EYA2: variants seen among roughly 807,000 people sequenced by gnomAD.
EYA2 encodes the protein EYA transcriptional coactivator and phosphatase 2, also known as protein phosphatase EYA2.
EYA2 carries 31 observed loss-of-function variants against 69.2 expected under a neutral mutation model. The ratio of observed to expected loss-of-function variants is 0.45; its 90% CI spans 0.34 to 0.60. The LOEUF (loss-of-function observed/expected upper bound fraction) is 0.60, where lower values mean the gene tolerates loss of function less well. EYA2 is among the 20% of genes least tolerant of loss of function. EYA2 has a pLI of 0.02. For missense variants in EYA2, 622 were observed against 701.2 expected, an observed-to-expected ratio of 0.89 and a Z score of 1.28; for synonymous variants, 257 against 279.4, an observed-to-expected ratio of 0.92 and a Z score of 0.80.
At chr20:47,083,731 G>A (rs1424953552) in intron 7 of EYA2, among the ~76,000 whole-genome samples, 1 of 152,082 alleles carries the variant, frequency 6.6e-6, no homozygotes, top group Non-Finnish European at 1.5e-5. Context: ...CTTTGATTTA[G>A]GCAAAGATTT....
chr20:47,073,770 C>T (rs2031405154), intron 6 of EYA2, among the ~76,000 whole-genome samples: 1 of 152,038 alleles, frequency 6.6e-6, no homozygotes, highest in Non-Finnish European at 1.5e-5. Context: ...CTGGGTGCAG[C>T]TCTCAAAGAC....
chr20:47,010,464 G>A (rs924674751), intron 4 of EYA2, among the ~76,000 whole-genome samples: 2 of 152,010 alleles, frequency 1.3e-5, no homozygotes, highest in South Asian at 2.1e-4. Flanking sequence ...CAAAGCCTCC[G>A]GGTGCTGAGT....
chr20:47,135,973 T>A (rs2033464286), intron 9 of EYA2, among the ~76,000 whole-genome samples: 1 of 151,772 alleles, frequency 6.6e-6, no homozygotes, highest in Non-Finnish European at 1.5e-5. Context: ...GCTATGGTCA[T>A]GCCACTGCAC....
chr20:46,992,225 C>T (rs889250024), intron 2 of EYA2, among the ~76,000 whole-genome samples: 2 of 152,198 alleles, frequency 1.3e-5, no homozygotes, highest in Admixed American at 6.5e-5. Context: ...CAGCATTGCT[C>T]TATTAACTCA....
At chr20:46,950,627 C>T (rs759499905) in intron 1 of EYA2, among the ~76,000 whole-genome samples, 2 of 152,180 alleles carry the variant, frequency 1.3e-5, no homozygotes, top group Non-Finnish European at 2.9e-5. Context: ...ATTCAGAAGG[C>T]GGAGGTCGTA....
chr20:47,053,415 C>G (rs774626095), intron 5 of EYA2, among the ~76,000 whole-genome samples: 1 of 152,080 alleles, frequency 6.6e-6, no homozygotes, highest in African/African-American at 2.4e-5. Context: ...CCTGTAATCC[C>G]AGCACTTTGG....
chr20:46,983,167 C>T lies in EYA2; in HGVS notation c.-10-6834C>T, dbSNP rs138553213. Among the ~76,000 whole-genome samples the T allele has an allele frequency of 1.1e-3, 174 of 152,250 alleles. 1 individual carries two copies. In the East Asian group the frequency reaches 0.019, roughly 17 times the overall value. ...ATATTATCACAGTTGCTAGGGACTC[C>T]GTGTTTGACAACTTCAATAGCAGAA... On this transcript the variant is annotated intron_variant, in intron 1 of 15. Transcript: ENST00000327619.
intron 10 of EYA2, among the ~76,000 whole-genome samples, chr20:47,166,480 C>T (rs1307441307): frequency 7.8e-6 from 1 of 128,990 alleles, no homozygotes; most frequent in African/African-American, 2.8e-5. Flanking sequence ...CAAAATGTTG[C>T]AAATACCCTT....
intron 1 of EYA2, among the ~76,000 whole-genome samples, chr20:46,897,086 A>G (rs1742599485): frequency 6.6e-6 from 1 of 152,246 alleles, no homozygotes; most frequent in Non-Finnish European, 1.5e-5. Flanking sequence ...TAAACACATC[A>G]TAAAGAGGTA....
rs1984799463 is a variant in EYA2 at position 46,914,423 on chromosome 20, C to T, written c.-11+19436C>T. On this transcript the variant is annotated intron_variant, in intron 1 of 15. Transcript: ENST00000327619. ...TTCTCACACTGCCAATAAAGACATA[C>T]CCAACTGGGTAATTTATAAAGGAAA... Among the ~76,000 whole-genome samples, 3 of 152,148 alleles carry T rather than the reference C, an allele frequency of 2.0e-5. No individual in the cohort carries two copies. In the South Asian group the frequency reaches 6.2e-4, roughly 32 times the overall value.
At chr20:47,184,811 T>C (rs1328892873) in intron 15 of EYA2, among the ~76,000 whole-genome samples, 1 of 152,174 alleles carries the variant, frequency 6.6e-6, no homozygotes, top group Non-Finnish European at 1.5e-5. Context: ...ACCTGTGTCA[T>C]GCTCCAAACG....
At chr20:46,965,382 A>G (rs1161609558) in intron 1 of EYA2, among the ~76,000 whole-genome samples, 1 of 152,200 alleles carries the variant, frequency 6.6e-6, no homozygotes. Flanking sequence ...GCCCACCAGC[A>G]GTGTTCCCAA....
At chr20:47,100,481 T>C (rs577506376) in intron 9 of EYA2, among the ~76,000 whole-genome samples, 2 of 152,310 alleles carry the variant, frequency 1.3e-5, no homozygotes, top group South Asian at 4.1e-4. Context: ...ACATCCATCC[T>C]AGAATTACAG....
At chr20:46,968,792 A>G (rs1415519110) in intron 1 of EYA2, among the ~76,000 whole-genome samples, 6 of 150,494 alleles carry the variant, frequency 4.0e-5, no homozygotes, top group Non-Finnish European at 5.9e-5. Context: ...CGCGCCCCCC[A>G]CCGACCCCAC....
intron 4 of EYA2, among the ~76,000 whole-genome samples, chr20:47,009,127 G>C (rs1331854469): frequency 6.6e-6 from 1 of 152,184 alleles, no homozygotes; most frequent in Non-Finnish European, 1.5e-5. Flanking sequence ...CCCACCCCAA[G>C]AGAAATGCTC....
At chr20:47,184,521 G>A (rs1165386341) in intron 15 of EYA2, among the ~76,000 whole-genome samples, 2 of 149,182 alleles carry the variant, frequency 1.3e-5, no homozygotes, top group African/African-American at 2.5e-5. Flanking sequence ...GGACTCAAGC[G>A]ATCTTCCCAC....
chr20:46,903,892 C>T (rs564421790), intron 1 of EYA2, among the ~76,000 whole-genome samples: 106 of 152,024 alleles, frequency 7.0e-4, no homozygotes, highest in Non-Finnish European at 1.3e-3. Context: ...ATAAATGAGG[C>T]GATACATGGA....
At chr20:47,168,377 G>A (rs2034250240) in intron 10 of EYA2, among the ~76,000 whole-genome samples, 2 of 152,012 alleles carry the variant, frequency 1.3e-5, no homozygotes, top group South Asian at 4.1e-4. Context: ...TTTTAGTAGA[G>A]ACAGGGTTTC....
At chr20:46,990,623 A>G (rs1319845464) in intron 2 of EYA2, among the ~76,000 whole-genome samples, 1 of 152,222 alleles carries the variant, frequency 6.6e-6, no homozygotes, top group African/African-American at 2.4e-5. Context: ...ACTATTGGCA[A>G]ATGATGCAGT....
Sources: gnomAD v4.1 joint callset for allele counts (sites outside exome capture counted in the v4.1 genomes callset) on GRCh38, gnomAD v4.1.1 for gene constraint, MANE v1.5 for transcripts, NCBI Gene and HGNC (gene_info 2026-07-23, HGNC 2026-07-21) for gene names.